SGSM3: variants seen among roughly 807,000 people sequenced by gnomAD.
SGSM3 encodes the protein RUN and SH3 containing 3.
SGSM3 carries 96 observed loss-of-function variants against 100.5 expected under a neutral mutation model. That is an observed-to-expected ratio of 0.96 (90% CI 0.81 to 1.13). The LOEUF is 1.13. Ranked by LOEUF, SGSM3 falls within the 50% of genes most tolerant of loss-of-function variation. The probability of loss-of-function intolerance (pLI) is 0.00; values close to 1 mark genes in which losing one functional copy is unlikely to be tolerated. For missense variants in SGSM3, 1,001 were observed against 1,015.8 expected (o/e 0.99, Z 0.20); for synonymous variants, 483 against 422.8 (o/e 1.14, Z -1.75).
Position 40,401,604 on chromosome 22 carries a change from C to G in SGSM3, c.19C>G (p.Pro7Ala), listed in dbSNP as rs1286794856. MSGSHT[P>A]ACGPFSALTP... ...CTCTTTGGTTTTAGGAAGCCATACA[C>G]CTGCCTGTGGCCCTTTCTCAGCCCT... The change falls in exon 3 of 22, where the codon CCT becomes GCT. Residue 7 changes from proline (P) to alanine (A), a missense_variant. Coordinates refer to ENST00000248929, the MANE Select transcript of SGSM3 (RefSeq NM_015705.6). The G allele has an allele frequency of 6.2e-7, 1 of 1,612,828 alleles. No individual in the cohort carries two copies. The highest frequency in any genetic ancestry group is 8.5e-7 in the Non-Finnish European group (1 of 1,179,186).
Position 40,401,648 on chromosome 22 carries a change from C to T in SGSM3, c.63C>T (p.Pro21=), listed in dbSNP as rs1286155729. ...PFSALTPSIW[P]QEILAKYTQK... ...CAGCCCTGACTCCGAGCATATGGCC[C>T]CAGGAGATCTTGGCCAAGTACACGC... The change falls in exon 3 of 22, where the codon CCC becomes CCT. Residue 21 remains proline (P), a synonymous_variant. Coordinates refer to ENST00000248929, the MANE Select transcript of SGSM3 (RefSeq NM_015705.6). 1 of 1,613,222 alleles carries T rather than the reference C, an allele frequency of 6.2e-7. No individual in the cohort carries two copies. The highest frequency in any genetic ancestry group is 1.3e-5 in the African/African-American group (1 of 74,904).
At chr22:40,391,157 A>C (rs1479838872) in intron 1 of SGSM3, among the ~76,000 whole-genome samples, 1 of 152,186 alleles carries the variant, frequency 6.6e-6, no homozygotes, top group Non-Finnish European at 1.5e-5. Flanking sequence ...GTGGTTCTCA[A>C]AGTGTGTTCC....
At chr22:40,380,512 A>G (rs2047396796) in intron 1 of SGSM3, among the ~76,000 whole-genome samples, 1 of 151,998 alleles carries the variant, frequency 6.6e-6, no homozygotes, top group Non-Finnish European at 1.5e-5. Flanking sequence ...GATTAGAGGC[A>G]TGCCCCATGA....
intron 1 of SGSM3, chr22:40,387,514 A>C (rs1430743254): frequency 1.5e-5 from 4 of 275,558 alleles, no homozygotes; most frequent in Non-Finnish European, 1.3e-5. Context: ...TTAATATAAA[A>C]CTTTCAATAT....
chr22:40,376,122 G>A (rs1394947897), intron 1 of SGSM3: 3 of 135,616 alleles, frequency 2.2e-5, no homozygotes, highest in Admixed American at 1.5e-4. Context: ...TTTGAGTTTC[G>A]TTTGTAAATA....
At position 40,407,743 on chromosome 22, in the gene SGSM3, C is replaced by A; in HGVS notation, c.1525-46C>A. On this transcript the variant is annotated intron_variant, in intron 13 of 21. Coordinates refer to ENST00000248929, the MANE Select transcript of SGSM3 (RefSeq NM_015705.6). The surrounding 1 kb of genome is among the most constrained non-coding windows in gnomAD (Gnocchi z 4.7). ...ATATCGGGGGTGCAGGAGGCGCTGGCCCAGGGCACCCAGCTTTGGTTCCTG... is the reference window on the plus strand; with the variant it reads ...ATATCGGGGGTGCAGGAGGCGCTGGACCAGGGCACCCAGCTTTGGTTCCTG... 1.2e-6 allele frequency: 2 copies of A among 1,607,732 alleles called. No homozygotes were observed. The highest frequency in any genetic ancestry group is 2.2e-5 in the South Asian group (2 of 90,952).
At position 40,407,171 on chromosome 22, in the gene SGSM3, G is replaced by C. The variant is rs773079499; in HGVS notation, c.1241-30G>C. ...CCTCCTCGGGGGCCTGGAGTGGGCT[G>C]TGGTCACCATGGTTCTCTGGGCCTC... is the stretch of plus-strand genomic sequence containing the variant. On this transcript the variant is annotated intron_variant, in intron 11 of 21. Transcript: ENST00000248929. The surrounding 1 kb of genome is among the most constrained non-coding windows in gnomAD (Gnocchi z 4.7). 12 of 1,613,044 alleles carry C rather than the reference G, an allele frequency of 7.4e-6. No homozygotes were observed. The African/African-American group carries it at 1.2e-4, about 16-fold the overall frequency.
chr22:40,409,572 A>C, intron 21 of SGSM3, 47 bp downstream of exon 21: 1 of 1,613,068 alleles, frequency 6.2e-7, no homozygotes, highest in South Asian at 1.1e-5. Flanking sequence ...GAGCTGCCCA[A>C]ACCGTTCGCG....
intron 18 of SGSM3, 24 bp downstream of exon 18, chr22:40,408,866 C>T (rs1287002914): frequency 6.2e-7 from 1 of 1,613,832 alleles, no homozygotes; most frequent in African/African-American, 1.3e-5. Flanking sequence ...CTCTGCCAGA[C>T]CCTAGAGACC....
chr22:40,371,639 T>A (rs1468950393), intron 1 of SGSM3, among the ~76,000 whole-genome samples: 1 of 152,222 alleles, frequency 6.6e-6, no homozygotes, highest in Non-Finnish European at 1.5e-5. Context: ...TTGAATTACA[T>A]CTTTGTTTTT....
intron 1 of SGSM3, among the ~76,000 whole-genome samples, chr22:40,375,439 G>T (rs951804928): frequency 5.9e-5 from 9 of 151,850 alleles, no homozygotes; most frequent in African/African-American, 2.2e-4. Flanking sequence ...AATTAGCTGG[G>T]TGTGGTGGCA....
intron 1 of SGSM3, among the ~76,000 whole-genome samples, chr22:40,377,239 G>A (rs1003709731): frequency 1.3e-5 from 2 of 152,216 alleles, no homozygotes; most frequent in African/African-American, 4.8e-5. Flanking sequence ...GCCAACAGAT[G>A]TTAGGCAAAT....
chr22:40,408,032 C>G (rs1334998059), intron 14 of SGSM3, 39 bp from the exon 15 acceptor site: 1 of 1,606,004 alleles, frequency 6.2e-7, no homozygotes, highest in East Asian at 2.2e-5. Context: ...TGTCCTCGGC[C>G]CTCGTGGTTG....
At chr22:40,409,085 G>A in intron 19 of SGSM3, 67 bp downstream of exon 19, 1 of 1,551,236 alleles carries the variant, frequency 6.4e-7, no homozygotes, top group Non-Finnish European at 8.7e-7. Flanking sequence ...ATCAGGGGGG[G>A]TCCTTACAGG....
chr22:40,377,890 T>C (rs2046909079), intron 1 of SGSM3, among the ~76,000 whole-genome samples: 1 of 151,064 alleles, frequency 6.6e-6, no homozygotes, highest in African/African-American at 2.4e-5. Context: ...AACTTTAACC[T>C]GAAGAGGAGA....
At chr22:40,387,186 G>A (rs2048608270) in intron 1 of SGSM3, 1 of 398,524 alleles carries the variant, frequency 2.5e-6, no homozygotes, top group Non-Finnish European at 4.4e-6. Flanking sequence ...TGTGATGAAT[G>A]CTTAACACAT....
Position 40,405,245 on chromosome 22 carries a change from G to T in SGSM3, c.579G>T (p.Trp193Cys). Residue 193 changes from tryptophan to cysteine, a missense_variant, in exon 7 of 22, where the codon TGG becomes TGT. Transcript: ENST00000248929. ...GCAGGGTGCTCCGGGCCCTGGCCTG[G>T]CTCTACCCAGAGATCGGCTACTGCC... The part of the protein sequence containing the change: ...RLRRVLRALA[W>C]LYPEIGYCQG... 3 of 1,553,754 alleles carry T rather than the reference G, an allele frequency of 1.9e-6. No individual in the cohort carries two copies. The highest frequency in any genetic ancestry group is 2.6e-6 in the Non-Finnish European group (3 of 1,149,378).
chr22:40,406,795 G>T (rs1383444900), intron 10 of SGSM3, 133 bp downstream of exon 10: 2 of 907,700 alleles, frequency 2.2e-6, no homozygotes, highest in South Asian at 3.1e-5. Context: ...GGCCCAGTCA[G>T]ACCACAGCTG....
At chr22:40,405,102 A>G (rs755272629) in intron 6 of SGSM3, 39 bp from the exon 7 acceptor site, 1 of 1,468,612 alleles carries the variant, frequency 6.8e-7, no homozygotes, top group Non-Finnish European at 9.0e-7. Context: ...AGGGTGTCAC[A>G]AGGTCTTGTT....
Sources: gnomAD v4.1 joint callset for allele counts (sites outside exome capture counted in the v4.1 genomes callset) on GRCh38, gnomAD v4.1.1 for gene constraint, Gnocchi (gnomAD v3.1) non-coding constraint, MANE v1.5 for transcripts, NCBI Gene and HGNC (gene_info 2026-07-23, HGNC 2026-07-21) for gene names.